The following ZNF142 variants were observed in gnomAD, a reference collection of about 807,000 sequenced individuals.
ZNF142 encodes the protein zinc finger protein 142, also known as zinc finger protein 142 (clone pHZ-49).
In ZNF142, 96 loss-of-function variants were observed where a neutral mutation model predicts 132.1. That is an observed-to-expected ratio of 0.73 (90% CI 0.62 to 0.86). ZNF142 has a LOEUF of 0.86. ZNF142 is among the 40% of genes least tolerant of loss of function. The pLI is 0.00. For synonymous variants in ZNF142, 842 were observed against 890.1 expected, an observed-to-expected ratio of 0.95 and a Z score of 0.96; for missense variants, 2,163 against 2,336.2, an observed-to-expected ratio of 0.93 and a Z score of 1.53.
rs1697117528 is a variant in ZNF142, at chr2:218,640,776, G to T, written c.5089-7C>A. 1.1e-5 allele frequency: 18 copies of T among 1,613,400 alleles called. No homozygotes were observed. The East Asian group carries it at 4.0e-4, about 36-fold the overall frequency. ...TGTGGATCCGCATGTGGTACTGGAAGAGGCAAGAGCAAAAAGCAGAAAATA... is the reference window on the plus strand; with the variant it reads ...TGTGGATCCGCATGTGGTACTGGAATAGGCAAGAGCAAAAAGCAGAAAATA... On this transcript the variant is annotated splice_region_variant and splice_polypyrimidine_tract_variant and intron_variant, in intron 9 of 10. Coordinates refer to ENST00000411696, the MANE Select transcript of ZNF142 (RefSeq NM_001379659.1).
Position 218,649,271 on chromosome 2 carries a change from C to A in ZNF142, c.1237G>T (p.Glu413Ter). The A allele has an allele frequency of 6.2e-7, 1 of 1,614,248 alleles. No homozygotes were observed. The highest frequency in any genetic ancestry group is 8.5e-7 in the Non-Finnish European group (1 of 1,180,046). ...CAGTGGTGGGCCTTTTCACCCAGCTCCCGCAGCAGATGGGTCTTGAGCTTG... is the reference window on the plus strand; with the variant it reads ...CAGTGGTGGGCCTTTTCACCCAGCTACCGCAGCAGATGGGTCTTGAGCTTG... ...KSKLKTHLLRELGEKAHHCPL... is the reference protein window; with the variant it reads ...KSKLKTHLLR The change falls in exon 7 of 11, where the codon GAG (glutamate) becomes TAG (stop). Residue 413 changes from glutamate to a stop codon, truncating the protein, a stop_gained. Transcript: ENST00000411696. LOFTEE classifies it high-confidence loss of function.
chr2:218,634,382 C>A lies in ZNF142; in HGVS notation c.*3957G>T. 1 of 1,572,262 alleles carries A rather than the reference C, an allele frequency of 6.4e-7. No individual in the cohort carries two copies. Among genetic ancestry groups the A allele is most frequent in the Non-Finnish European group, 8.6e-7 (1 of 1,156,798 alleles). ...CAGGTACCGTGCACCCAGTACCTAT[C>A]TTCTTAACTCCCTGAAAGAGGGGCT... On this transcript the variant is annotated 3_prime_UTR_variant, in exon 11 of 11. Transcript: ENST00000411696. The surrounding 1 kb of genome is among the most constrained non-coding windows in gnomAD (Gnocchi z 4.0).
chr2:218,653,783 A>G (rs1938235496), intron 4 of ZNF142, among the ~76,000 whole-genome samples: 2 of 152,106 alleles, frequency 1.3e-5, no homozygotes, highest in Admixed American at 1.3e-4. Flanking sequence ...TTTTTTCCAG[A>G]GCATGAACAA....
chr2:218,653,569 C>T (rs1202807398), intron 4 of ZNF142, among the ~76,000 whole-genome samples: 2 of 103,950 alleles, frequency 1.9e-5, no homozygotes, highest in Non-Finnish European at 3.9e-5. Flanking sequence ...GAGTGAAACT[C>T]TATCTCAAAA....
Position 218,638,654 on chromosome 2 carries a change from G to C in ZNF142, c.5349C>G (p.His1783Gln), listed in dbSNP as rs760564661. The change falls in exon 11 of 11, where the codon CAC (histidine) becomes CAG (glutamine). Residue 1783 changes from histidine to glutamine, a missense_variant. His to Gln is a conservative substitution (Grantham distance 24). This residue lies in a region of ZNF142 where 325 missense variants were observed against 367.8 expected (regional missense o/e 0.88). Transcript: ENST00000411696. The part of the protein sequence containing the change: ...AFKTRFLLRT[H>Q]LRKHSEAKPY... Reference sequence around the variant, plus strand: ...GTTTGGCCTCACTGTGCTTGCGAAGGTGGGTGCGCAGCAGGAAGCGCGTCT... The same window carrying C: ...GTTTGGCCTCACTGTGCTTGCGAAGCTGGGTGCGCAGCAGGAAGCGCGTCT... 1.2e-6 allele frequency: 2 copies of C among 1,614,254 alleles called. No homozygotes were observed. Among genetic ancestry groups the C allele is most frequent in the Non-Finnish European group, 1.7e-6 (2 of 1,180,048 alleles).
rs184582590 is a variant in ZNF142 at position 218,648,989 on chromosome 2, G to A, written c.1519C>T (p.Leu507=). 6.1e-5 allele frequency: 99 copies of A among 1,612,218 alleles called. No homozygotes were observed. The African/African-American group carries it at 1.2e-3, about 19-fold the overall frequency. ...GCCCGCACCCCATGGGTCTCCTTCA[G>A]GTGCTTAATGAAGGCCTTGCGGTCG... ...APDRKAFIKH[L]KETHGVRAVE... The change falls in exon 7 of 11, where the codon CTG becomes TTG. Residue 507 remains leucine (L), a synonymous_variant. Coordinates refer to ENST00000411696, the MANE Select transcript of ZNF142 (RefSeq NM_001379659.1).
At chr2:218,646,725 C>T (rs916875352) in intron 7 of ZNF142, among the ~76,000 whole-genome samples, 1 of 152,186 alleles carries the variant, frequency 6.6e-6, no homozygotes, top group African/African-American at 2.4e-5. Context: ...GCTGGGATTA[C>T]AGGTGCCCGC....
rs771976894 is a variant in ZNF142 at position 218,649,091 on chromosome 2, T to C, written c.1417A>G (p.Lys473Glu). The change falls in exon 7 of 11, where the codon AAG becomes GAG. Residue 473 changes from lysine to glutamate, a missense_variant. Lys to Glu is a moderately conservative substitution (Grantham distance 56). Transcript: ENST00000411696. Reference sequence around the variant, plus strand: ...GCTGCGGCTGCTGCCGTGTGGCTCTTGAGGTGCTCCTTTAGGGCCTGGCTG... The same window carrying C: ...GCTGCGGCTGCTGCCGTGTGGCTCTCGAGGTGCTCCTTTAGGGCCTGGCTG... Reference protein sequence around the residue: ...RLSQALKEHLKSHTAAAAAEP... With the variant: ...RLSQALKEHLESHTAAAAAEP... The C allele has an allele frequency of 1.2e-6, 2 of 1,614,044 alleles. No individual in the cohort carries two copies. The highest frequency in any genetic ancestry group is 1.3e-5 in the African/African-American group (1 of 75,070).
intron 5 of ZNF142, among the ~76,000 whole-genome samples, chr2:218,650,987 C>CTTT (rs5838705): frequency 5.8e-4 from 80 of 137,612 alleles, no homozygotes; most frequent in African/African-American, 1.8e-3. Context: ...TTCTTTACTT[C>CTTT]TTTTTTTTTT....
chr2:218,655,082 C>T (rs1291450337), intron 4 of ZNF142, among the ~76,000 whole-genome samples: 1 of 152,162 alleles, frequency 6.6e-6, no homozygotes, highest in East Asian at 1.9e-4. Flanking sequence ...GAGCAAGACC[C>T]TGTCTCAACA....
rs375408198 is a variant in ZNF142 at position 218,642,033 on chromosome 2, G to A, written c.5083C>T (p.Leu1695Phe). 1 of 1,613,340 alleles carries A rather than the reference G, an allele frequency of 6.2e-7. No individual in the cohort carries two copies. Among genetic ancestry groups the A allele is most frequent in the Middle Eastern group, 1.6e-4 (1 of 6,062 alleles). ...CPYACADPSR[L>F]KYHMRIHKEE... ...CCCATATCCTCTGACATTACCTTGA[G>A]ACGAGAGGGATCAGCACAGGCATAG... The change falls in exon 9 of 11, where the codon CTC (leucine) becomes TTC (phenylalanine). Residue 1695 changes from leucine to phenylalanine, a missense_variant. By Grantham distance (22) the Leu-to-Phe change is conservative. Around this residue, in one of 7 missense-constraint regions of ZNF142, gnomAD observed 325 missense variants for 367.8 expected, o/e 0.88. Coordinates refer to ENST00000411696, the MANE Select transcript of ZNF142 (RefSeq NM_001379659.1). This position sits in a 1 kb window ranked among gnomAD's most constrained non-coding sequence, Gnocchi z 4.6.
chr2:218,641,348 G>A (rs191113530), intron 9 of ZNF142, among the ~76,000 whole-genome samples: 74 of 149,598 alleles, frequency 4.9e-4, no homozygotes, highest in East Asian at 3.2e-3. Context: ...CCAGGTTCAC[G>A]CCATTCACCT....
At chr2:218,641,953 C>T in intron 9 of ZNF142, 75 bp downstream of exon 9, 1 of 1,526,428 alleles carries the variant, frequency 6.6e-7, no homozygotes, top group East Asian at 2.3e-5. Flanking sequence ...GAGGAGTCAG[C>T]TATAGAGAAC....
In ZNF142 at chr2:218,650,460, TCCTGC is replaced by T. The variant is rs1202997958; in HGVS notation, c.942_946del (p.Gln315AspfsTer3). The T allele has an allele frequency of 6.2e-7, 1 of 1,613,996 alleles. No individual in the cohort carries two copies. Among genetic ancestry groups the T allele is most frequent in the Admixed American group, 1.7e-5 (1 of 60,002 alleles). On this transcript the variant is annotated frameshift_variant, in exon 6 of 11. Transcript: ENST00000411696. LOFTEE classifies it high-confidence loss of function. ...CTCTACATTCTCCTCTTCAGCTGTC[TCCTGC>T]CCAGGCAAGGGTGTACCTGCTTCCT... is the stretch of plus-strand genomic sequence containing the variant.
In ZNF142 at chr2:218,644,223, G is replaced by A. The variant is rs1384679767; in HGVS notation, c.2893C>T (p.Pro965Ser). The change falls in exon 9 of 11, where the codon CCC (proline) becomes TCC (serine). Residue 965 changes from proline to serine, a missense_variant. This residue lies in a region of ZNF142 where 5 missense variants were observed against 24.1 expected (regional missense o/e 0.21). Coordinates refer to ENST00000411696, the MANE Select transcript of ZNF142 (RefSeq NM_001379659.1). This position sits in a 1 kb window ranked among gnomAD's most constrained non-coding sequence, Gnocchi z 4.6. Reference protein sequence around the residue: ...NPLLEKPVSEPSTNPPSLEEA... With the variant: ...NPLLEKPVSESSTNPPSLEEA... ...TCTAAGGATGGAGGATTTGTGGAGG[G>A]CTCAGACACTGGCTTTTCCAGAAGG... The A allele has an allele frequency of 1.9e-6, 3 of 1,614,066 alleles. No homozygotes were observed. Among genetic ancestry groups the A allele is most frequent in the East Asian group, 4.5e-5 (2 of 44,868 alleles).
At position 218,633,876 on chromosome 2, in the gene ZNF142, GTT is replaced by G; in HGVS notation, c.*4461_*4462del. On this transcript the variant is annotated 3_prime_UTR_variant, in exon 11 of 11. Transcript: ENST00000411696. ...AAGGTAGCTAAGGAGAGATGAAGGA[GTT>G]CAGAAACTCCTTAGAGCAGACAAGG... 3 of 1,121,244 alleles carry G rather than the reference GTT, an allele frequency of 2.7e-6. No homozygotes were observed. Among genetic ancestry groups the G allele is most frequent in the Non-Finnish European group, 3.9e-6 (3 of 766,256 alleles). The allele number at this position is 1,121,244 out of a possible 1,614,324, so 69.5% of individuals were successfully genotyped here. A position where few individuals can be genotyped will look rare whatever the true frequency, so the allele number is the denominator to read the frequency against.
rs1553577666 is a variant in ZNF142 at position 218,633,775 on chromosome 2, T to C, written c.*4564A>G. On this transcript the variant is annotated 3_prime_UTR_variant, in exon 11 of 11. Coordinates refer to ENST00000411696, the MANE Select transcript of ZNF142 (RefSeq NM_001379659.1). Reference sequence around the variant, plus strand: ...TCAAGGAGGCTGGTCAGGACCAAAATGGAGGGATGGGGAGGGAAGTGGGAT... The same window carrying C: ...TCAAGGAGGCTGGTCAGGACCAAAACGGAGGGATGGGGAGGGAAGTGGGAT... The C allele has an allele frequency of 1.2e-6, 2 of 1,613,114 alleles. No homozygotes were observed. Among genetic ancestry groups the C allele is most frequent in the Admixed American group, 1.7e-5 (1 of 59,940 alleles).
rs1938065933 is a variant in ZNF142 at position 218,652,152 on chromosome 2, C to T, written c.429G>A (p.Leu143=). The change falls in exon 5 of 11, where the codon CTG becomes CTA. Residue 143 remains leucine (L), a synonymous_variant. Coordinates refer to ENST00000411696, the MANE Select transcript of ZNF142 (RefSeq NM_001379659.1). ...GLSSPPCSVE[L]PPSNPTLPGP... ...CAGGGAGGGTTGGGTTGCTGGGAGGCAGCTCTACAGAGCATGGGGGGCTAG... is the reference window on the plus strand; with the variant it reads ...CAGGGAGGGTTGGGTTGCTGGGAGGTAGCTCTACAGAGCATGGGGGGCTAG... 4.4e-6 allele frequency: 2 copies of T among 450,020 alleles called. No individual in the cohort carries two copies. The highest frequency in any genetic ancestry group is 1.6e-5 in the South Asian group (1 of 64,072). The allele number at this position is 450,020 out of a possible 1,614,324, so 27.9% of individuals were successfully genotyped here. A position where few individuals can be genotyped will look rare whatever the true frequency, so the allele number is the denominator to read the frequency against.
Position 218,642,961 on chromosome 2 carries a change from G to A in ZNF142, c.4155C>T (p.Cys1385=). 6.2e-7 allele frequency: 1 copy of A among 1,613,600 alleles called. No homozygotes were observed. The highest frequency in any genetic ancestry group is 8.5e-7 in the Non-Finnish European group (1 of 1,179,884). The change falls in exon 9 of 11, where the codon TGC becomes TGT. Residue 1385 remains cysteine (C), a synonymous_variant. Transcript: ENST00000411696. This position sits in a 1 kb window ranked among gnomAD's most constrained non-coding sequence, Gnocchi z 4.6. ...GCTTGAGCCGCCGGTGCTGCTGCAT[G>A]CAACGGCTCTGTTTACAGGTGAAGC... ...DCGFTCKQSR[C]MQQHRRLKHE...
Sources: gnomAD v4.1 joint callset for allele counts (sites outside exome capture counted in the v4.1 genomes callset) on GRCh38, gnomAD v4.1.1 for gene constraint, gnomAD v4.1.1 regional missense constraint, Gnocchi (gnomAD v3.1) non-coding constraint, MANE v1.5 for transcripts, NCBI Gene and HGNC (gene_info 2026-07-23, HGNC 2026-07-21) for gene names.